RCAN2: variants seen among roughly 807,000 people sequenced by gnomAD.
RCAN2 encodes the protein calcipressin-2.
Under a neutral mutation model 23.6 loss-of-function variants are expected in RCAN2, and 9 were observed. The ratio of observed to expected loss-of-function variants is 0.38; its 90% CI spans 0.23 to 0.67. The LOEUF (loss-of-function observed/expected upper bound fraction) is 0.67, where lower values mean the gene tolerates loss of function less well. Among genes scored for constraint, RCAN2 ranks in the 30% least tolerant of loss-of-function variants. The pLI, the probability that RCAN2 is intolerant of heterozygous loss-of-function variation, is 0.51. For missense variants in RCAN2, 273 were observed against 302.3 expected (o/e 0.90, Z 0.72); for synonymous variants, 109 against 115.7 (o/e 0.94, Z 0.37).
intron 1 of RCAN2, among the ~76,000 whole-genome samples, chr6:46,486,706 CA>C (rs1180413397): frequency 6.6e-6 from 1 of 152,032 alleles, no homozygotes; most frequent in East Asian, 1.9e-4. Context: ...CTTAGGATTC[CA>C]AAATTTTATC....
Position 46,251,000 on chromosome 6 carries a change from C to T in RCAN2, c.226-2104G>A, listed in dbSNP as rs191795080. On this transcript the variant is annotated intron_variant, in intron 2 of 4. Coordinates refer to ENST00000371374, the MANE Select transcript of RCAN2 (RefSeq NM_001251974.2). ...GACTCCTTTGTCTGCCCACACTCTTCTCTTTTATACCAGTCCAAGGACCCC... is the reference window on the plus strand; with the variant it reads ...GACTCCTTTGTCTGCCCACACTCTTTTCTTTTATACCAGTCCAAGGACCCC... 7.2e-5 allele frequency among the ~76,000 whole-genome samples: 11 copies of T among 152,316 alleles called. No homozygotes were observed. In the East Asian group the frequency reaches 2.1e-3, roughly 29 times the overall value.
intron 2 of RCAN2, among the ~76,000 whole-genome samples, chr6:46,372,813 T>A (rs1338017433): frequency 1.3e-5 from 2 of 152,092 alleles, no homozygotes; most frequent in African/African-American, 2.4e-5. Context: ...CATTTAACTA[T>A]CAGAAGTCTG....
intron 2 of RCAN2, among the ~76,000 whole-genome samples, chr6:46,293,097 A>C (rs1762619660): frequency 1.3e-5 from 2 of 152,174 alleles, no homozygotes; most frequent in South Asian, 4.1e-4. Context: ...GTGTATGTGT[A>C]CCACATTTTC....
At chr6:46,246,419 G>A (rs1003529104) in intron 4 of RCAN2, among the ~76,000 whole-genome samples, 8 of 152,134 alleles carry the variant, frequency 5.3e-5, no homozygotes, top group African/African-American at 1.9e-4. Context: ...CATTTTGTCT[G>A]TTCTGAGGAA....
chr6:46,242,302 C>T (rs1766335443), intron 4 of RCAN2, among the ~76,000 whole-genome samples: 1 of 152,096 alleles, frequency 6.6e-6, no homozygotes, highest in Admixed American at 6.6e-5. Context: ...ACTGTTTTGC[C>T]CCTTGCTTGT....
rs1198931189 is a variant in RCAN2, at chr6:46,223,341, A to T, written c.572-40T>A. 3 of 1,587,480 alleles carry T rather than the reference A, an allele frequency of 1.9e-6. No homozygotes were observed. The Admixed American group carries it at 5.1e-5, about 27-fold the overall frequency. On this transcript the variant is annotated intron_variant, in intron 4 of 4. Coordinates refer to ENST00000371374, the MANE Select transcript of RCAN2 (RefSeq NM_001251974.2). ...AAATGGAAGTGAGAAAGAGGGGGGG[A>T]TTTCAAAAGAGATCCTGGAGCAGGG...
rs9472748 is a variant in RCAN2 at position 46,436,054 on chromosome 6, T to C, written c.225+20698A>G. On this transcript the variant is annotated intron_variant, in intron 2 of 4. Transcript: ENST00000371374. ...CTGGGCTAGTTCTTGTGAATAAACATATGTGCTCAGATTTCAGAAGGTACT... is the reference window on the plus strand; with the variant it reads ...CTGGGCTAGTTCTTGTGAATAAACACATGTGCTCAGATTTCAGAAGGTACT... Among the ~76,000 whole-genome samples the C allele has an allele frequency of 4.8e-3, 738 of 152,306 alleles. 6 individuals are homozygous for C. Among genetic ancestry groups the C allele is most frequent in the African/African-American group, 0.017 (696 of 41,558 alleles).
At chr6:46,391,900 T>C (rs896314933) in intron 2 of RCAN2, among the ~76,000 whole-genome samples, 2 of 152,136 alleles carry the variant, frequency 1.3e-5, no homozygotes, top group South Asian at 2.1e-4. Flanking sequence ...CAGTAATTAT[T>C]GGTTGAAGGA....
intron 2 of RCAN2, among the ~76,000 whole-genome samples, chr6:46,363,209 G>A (rs1355036406): frequency 6.6e-6 from 1 of 152,116 alleles, no homozygotes; most frequent in Non-Finnish European, 1.5e-5. Flanking sequence ...GAGTATTGAA[G>A]AACACTACAT....
intron 2 of RCAN2, among the ~76,000 whole-genome samples, chr6:46,418,695 G>GTATGTATATATATA (rs1766779999): frequency 8.2e-6 from 1 of 121,306 alleles, no homozygotes; most frequent in South Asian, 2.9e-4. Flanking sequence ...ATGTGTGTGT[G>GTATGTATATATATA]TATATATATA....
At chr6:46,290,996 A>C (rs1724279119) in intron 2 of RCAN2, among the ~76,000 whole-genome samples, 1 of 152,164 alleles carries the variant, frequency 6.6e-6, no homozygotes, top group African/African-American at 2.4e-5. Flanking sequence ...CTGGCCCACA[A>C]AGTGCAGCCC....
At chr6:46,352,335 T>C (rs1375072760) in intron 2 of RCAN2, among the ~76,000 whole-genome samples, 1 of 152,204 alleles carries the variant, frequency 6.6e-6, no homozygotes, top group East Asian at 1.9e-4. Flanking sequence ...TCAATAAGTG[T>C]AGCAAAGAGG....
chr6:46,245,756 A>C (rs1222677231), intron 4 of RCAN2, among the ~76,000 whole-genome samples: 1 of 152,154 alleles, frequency 6.6e-6, no homozygotes, highest in Non-Finnish European at 1.5e-5. Flanking sequence ...TACCCACATC[A>C]AATTAGAATC....
chr6:46,271,336 G>T (rs2150333068), intron 2 of RCAN2, among the ~76,000 whole-genome samples: 1 of 152,258 alleles, frequency 6.6e-6, no homozygotes, highest in Middle Eastern at 3.4e-3. Context: ...TAGTCACAGA[G>T]GTCAGTCTTT....
At chr6:46,320,357 T>C (rs1172823945) in intron 2 of RCAN2, among the ~76,000 whole-genome samples, 2 of 152,186 alleles carry the variant, frequency 1.3e-5, no homozygotes, top group African/African-American at 4.8e-5. Flanking sequence ...AAGTGCATCA[T>C]ACCAACTCAG....
At chr6:46,433,244 G>C (rs1228633231) in intron 2 of RCAN2, among the ~76,000 whole-genome samples, 1 of 152,112 alleles carries the variant, frequency 6.6e-6, no homozygotes, top group Non-Finnish European at 1.5e-5. Flanking sequence ...CAAATTCAGA[G>C]AAACTGCCAT....
At chr6:46,333,455 C>T (rs766095255) in intron 2 of RCAN2, among the ~76,000 whole-genome samples, 6 of 152,154 alleles carry the variant, frequency 3.9e-5, no homozygotes, top group South Asian at 2.1e-4. Context: ...TCCAGCCTTT[C>T]GCTATTAAAT....
At position 46,283,178 on chromosome 6, in the gene RCAN2, G is replaced by T. The variant is rs1214036249; in HGVS notation, c.226-34282C>A. Reference sequence around the variant, plus strand: ...TATAAACATATTCAATCCAGGCGTGGTGGCTCACACCTGTAATCCCAGTAC... The same window carrying T: ...TATAAACATATTCAATCCAGGCGTGTTGGCTCACACCTGTAATCCCAGTAC... On this transcript the variant is annotated intron_variant, in intron 2 of 4. Coordinates refer to ENST00000371374, the MANE Select transcript of RCAN2 (RefSeq NM_001251974.2). Among the ~76,000 whole-genome samples the T allele has an allele frequency of 2.0e-5, 3 of 152,302 alleles. No individual in the cohort carries two copies. In the East Asian group the frequency reaches 5.8e-4, roughly 29 times the overall value.
At chr6:46,401,401 A>G (rs1027328204) in intron 2 of RCAN2, among the ~76,000 whole-genome samples, 19 of 152,208 alleles carry the variant, frequency 1.2e-4, no homozygotes, top group Non-Finnish European at 2.2e-4. Flanking sequence ...GGGAGACAGT[A>G]GAGATTCAGG....
Sources: allele counts gnomAD v4.1 joint callset (sites outside exome capture counted in the v4.1 genomes callset), GRCh38; gene constraint gnomAD v4.1.1; transcripts MANE v1.5; gene names NCBI Gene and HGNC (gene_info 2026-07-23, HGNC 2026-07-21).